The following MOBP variants were observed in gnomAD, a reference collection of about 807,000 sequenced individuals.
MOBP encodes myelin associated oligodendrocyte basic protein.
A neutral mutation model predicts 15.0 loss-of-function variants in MOBP; 5 were observed. That is an observed-to-expected ratio of 0.33 (90% CI 0.17 to 0.70). The LOEUF is 0.70. Among genes scored for constraint, MOBP ranks in the 30% least tolerant of loss-of-function variants. The probability of loss-of-function intolerance (pLI) is 0.67; values close to 1 mark genes in which losing one functional copy is unlikely to be tolerated. For synonymous variants in MOBP, 88 were observed against 99.0 expected (o/e 0.89, Z 0.66); for missense variants, 188 against 257.8 (o/e 0.73, Z 1.85).
intron 2 of MOBP, among the ~76,000 whole-genome samples, chr3:39,495,517 C>T (rs981837747): frequency 6.6e-6 from 1 of 151,386 alleles, no homozygotes; most frequent in African/African-American, 2.4e-5. Flanking sequence ...TGGTGGCTCA[C>T]ACCTGTAATC....
chr3:39,496,599 C>T (rs55780606), intron 2 of MOBP, among the ~76,000 whole-genome samples: 41,518 of 150,048 alleles, frequency 0.28, 6,833 homozygotes, highest in African/African-American at 0.46. Context: ...GTTCAATCAG[C>T]TCTCCTGGCT....
intron 2 of MOBP, among the ~76,000 whole-genome samples, chr3:39,483,831 G>A (rs1200488528): frequency 6.6e-6 from 1 of 152,188 alleles, no homozygotes; most frequent in Non-Finnish European, 1.5e-5. Context: ...TCTATGGAGA[G>A]ACAATTTTAT....
chr3:39,487,518 CTT>C, intron 2 of MOBP, among the ~76,000 whole-genome samples: 1 of 102,478 alleles, frequency 9.8e-6, no homozygotes, highest in South Asian at 3.3e-4. Flanking sequence ...AATTTTCTTT[CTT>C]TTTTTTTTTT....
At chr3:39,512,159 G>A (rs1033644111) in intron 4 of MOBP, among the ~76,000 whole-genome samples, 7 of 152,130 alleles carry the variant, frequency 4.6e-5, no homozygotes, top group African/African-American at 1.4e-4. Flanking sequence ...ATATAAACTG[G>A]TCATCCCCAT....
At chr3:39,468,093 A>T (rs1708084) in intron 1 of MOBP, among the ~76,000 whole-genome samples, 6,151 of 90,052 alleles carry the variant, frequency 0.068, 290 homozygotes, top group African/African-American at 0.28. Context: ...TTTTTTTTTT[A>T]ATTTATTTCT....
downstream of MOBP, among the ~76,000 whole-genome samples, chr3:39,518,388 G>A (rs1559430243): frequency 6.6e-6 from 1 of 152,226 alleles, no homozygotes; most frequent in East Asian, 1.9e-4. Flanking sequence ...AAGTAAGGGT[G>A]AGGAAGAAAG....
chr3:39,470,342 C>CTT (rs2042452006), intron 1 of MOBP, among the ~76,000 whole-genome samples: 1 of 152,214 alleles, frequency 6.6e-6, no homozygotes, highest in Non-Finnish European at 1.5e-5. Context: ...AATCAAAACT[C>CTT]TGAGATCCTT....
chr3:39,518,054 C>T (rs1453271525), downstream of MOBP, among the ~76,000 whole-genome samples: 1 of 152,156 alleles, frequency 6.6e-6, no homozygotes, highest in African/African-American at 2.4e-5. Flanking sequence ...TCAAAAAGAT[C>T]TCTTAATAAA....
chr3:39,503,150 C>A, downstream of MOBP: 1 of 440,280 alleles, frequency 2.3e-6, no homozygotes, highest in Non-Finnish European at 3.9e-6. Context: ...AGATTATTGA[C>A]CATGGTAACA....
At chr3:39,470,434 G>GA (rs1302026454) in intron 1 of MOBP, among the ~76,000 whole-genome samples, 1 of 152,206 alleles carries the variant, frequency 6.6e-6, no homozygotes, top group Non-Finnish European at 1.5e-5. Context: ...TTACAGAGAA[G>GA]AAAATTGAGA....
intron 2 of MOBP, among the ~76,000 whole-genome samples, chr3:39,486,087 A>G (rs1401942206): frequency 6.6e-6 from 1 of 152,186 alleles, no homozygotes; most frequent in East Asian, 1.9e-4. Flanking sequence ...TTTAGTTTAT[A>G]AAAGAGTCTC....
chr3:39,505,804 G>C (rs1026895147), downstream of MOBP, among the ~76,000 whole-genome samples: 1 of 152,264 alleles, frequency 6.6e-6, no homozygotes, highest in South Asian at 2.1e-4. Flanking sequence ...TCTAGATCAA[G>C]CTCACAACCT....
chr3:39,472,980 G>C (rs762214757), intron 1 of MOBP, among the ~76,000 whole-genome samples: 4 of 152,184 alleles, frequency 2.6e-5, no homozygotes, highest in Non-Finnish European at 5.9e-5. Flanking sequence ...GACATGGAAG[G>C]GTTGGGAGGC....
At chr3:39,488,609 G>C (rs976868106) in intron 2 of MOBP, among the ~76,000 whole-genome samples, 1 of 152,274 alleles carries the variant, frequency 6.6e-6, no homozygotes, top group African/African-American at 2.4e-5. Flanking sequence ...AACATAGTAG[G>C]TGCTCAATTA....
At chr3:39,483,066 C>CTA (rs1174721665) in intron 2 of MOBP, among the ~76,000 whole-genome samples, 1 of 152,186 alleles carries the variant, frequency 6.6e-6, no homozygotes, top group East Asian at 1.9e-4. Flanking sequence ...AGTCAAGACT[C>CTA]TAAACAATTA....
At chr3:39,472,258 G>A (rs2042481822) in intron 1 of MOBP, among the ~76,000 whole-genome samples, 1 of 152,086 alleles carries the variant, frequency 6.6e-6, no homozygotes, top group Admixed American at 6.5e-5. Flanking sequence ...ATTTTTTGCA[G>A]AGAAAACACT....
At position 39,502,459 on chromosome 3, in the gene MOBP, C is replaced by A. The variant is rs1204594365; in HGVS notation, c.207-76C>A. On this transcript the variant is annotated intron_variant, in intron 3 of 3. Transcript: ENST00000684792. This position sits in a 1 kb window ranked among gnomAD's most constrained non-coding sequence, Gnocchi z 6.3. ...GGGAGCAGGGCCTTCCTACCTGTTTCCAGCTCCTGCCAGCGTCGCTTAAGC... is the reference window on the plus strand; with the variant it reads ...GGGAGCAGGGCCTTCCTACCTGTTTACAGCTCCTGCCAGCGTCGCTTAAGC... The A allele has an allele frequency of 2.6e-6, 4 of 1,532,724 alleles. No homozygotes were observed. The highest frequency in any genetic ancestry group is 3.5e-6 in the Non-Finnish European group (4 of 1,145,612). The allele number at this position is 1,532,724 out of a possible 1,614,324, so 94.9% of individuals were successfully genotyped here. A position where few individuals can be genotyped will look rare whatever the true frequency, so the allele number is the denominator to read the frequency against.
intron 1 of MOBP, among the ~76,000 whole-genome samples, chr3:39,478,974 C>T (rs907690138): frequency 3.3e-5 from 5 of 152,066 alleles, no homozygotes; most frequent in East Asian, 1.9e-4. Context: ...GGATTACAGG[C>T]GCCTGCCACC....
chr3:39,511,628 C>G lies in MOBP; in HGVS notation c.*-1755C>G, dbSNP rs77041938. Among the ~76,000 whole-genome samples, 448 of 152,252 alleles carry G rather than the reference C, an allele frequency of 2.9e-3. 3 individuals are homozygous for G. Among genetic ancestry groups the G allele is most frequent in the African/African-American group, 0.01 (427 of 41,554 alleles). On this transcript the variant is annotated intron_variant, in intron 4 of 4. Coordinates refer to the MOBP transcript ENST00000311042. ...GATGGTCGCCCTTTCTGTGAGCTCCCTTGATACTTCCACTGCTATAATTTG... is the reference window on the plus strand; with the variant it reads ...GATGGTCGCCCTTTCTGTGAGCTCCGTTGATACTTCCACTGCTATAATTTG...
Sources: gnomAD v4.1 joint callset for allele counts (sites outside exome capture counted in the v4.1 genomes callset) on GRCh38, gnomAD v4.1.1 for gene constraint, Gnocchi (gnomAD v3.1) non-coding constraint, MANE v1.5 for transcripts, NCBI Gene and HGNC (gene_info 2026-07-23, HGNC 2026-07-21) for gene names.